Variants in CRAMP1 observed in about 807,000 individuals in gnomAD.
CRAMP1 encodes the protein protein cramped-like.
A neutral mutation model predicts 115.4 loss-of-function variants in CRAMP1; 50 were observed. The ratio of observed to expected loss-of-function variants is 0.43; its 90% CI spans 0.35 to 0.55. The LOEUF (loss-of-function observed/expected upper bound fraction) is 0.55, where lower values mean the gene tolerates loss of function less well. Among genes scored for constraint, CRAMP1 ranks in the 20% least tolerant of loss-of-function variants. CRAMP1 has a pLI of 0.01. For missense variants in CRAMP1, 1,679 were observed against 1,721.7 expected (o/e 0.98, Z 0.44); for synonymous variants, 866 against 745.4 (o/e 1.16, Z -2.64).
At chr16:1,655,389 C>A in intron 9 of CRAMP1, 89 bp downstream of exon 9, 1 of 1,056,598 alleles carries the variant, frequency 9.5e-7, no homozygotes, top group Non-Finnish European at 1.5e-6. Context: ...CTGTCATCGT[C>A]ATGGTCCCCG....
At chr16:1,619,972 G>A (rs1408359988) in intron 2 of CRAMP1, among the ~76,000 whole-genome samples, 1 of 152,176 alleles carries the variant, frequency 6.6e-6, no homozygotes, top group East Asian at 1.9e-4. Context: ...TTTGCTCACC[G>A]ACTGCCTGTC....
At chr16:1,645,652 T>C (rs993701536) in intron 6 of CRAMP1, among the ~76,000 whole-genome samples, 4 of 152,166 alleles carry the variant, frequency 2.6e-5, no homozygotes, top group Non-Finnish European at 5.9e-5. Flanking sequence ...GGCAGTTCAC[T>C]GCCCTGAACA....
chr16:1,642,257 G>C (rs1302078142), intron 6 of CRAMP1, among the ~76,000 whole-genome samples: 2 of 152,176 alleles, frequency 1.3e-5, no homozygotes, highest in African/African-American at 4.8e-5. Context: ...TTCTCCCCCA[G>C]GCTTGTGTCT....
At chr16:1,646,341 A>G (rs1360846537) in intron 6 of CRAMP1, among the ~76,000 whole-genome samples, 1 of 152,106 alleles carries the variant, frequency 6.6e-6, no homozygotes, top group Non-Finnish European at 1.5e-5. Flanking sequence ...AGAGAGTTGC[A>G]GTTGCTTCCC....
chr16:1,655,568 A>G (rs1292340425), intron 9 of CRAMP1, among the ~76,000 whole-genome samples: 1 of 152,192 alleles, frequency 6.6e-6, no homozygotes. Flanking sequence ...GTGTGGCCAA[A>G]GCATTCCTAC....
intron 4 of CRAMP1, among the ~76,000 whole-genome samples, 199 bp downstream of exon 4, chr16:1,632,564 C>T (rs945529589): frequency 2.0e-5 from 3 of 152,266 alleles, no homozygotes; most frequent in African/African-American, 7.2e-5. Context: ...CAGGAAGTGG[C>T]CCGTATCCCA....
chr16:1,675,834 C>A lies in CRAMP1; in HGVS notation c.*1789C>A, dbSNP rs2036962888. 1 of 152,254 alleles carries A rather than the reference C, an allele frequency of 6.6e-6. No individual in the cohort carries two copies. The highest frequency in any genetic ancestry group is 2.1e-4 in the South Asian group (1 of 4,836). The allele number at this position is 152,254 out of a possible 1,614,324, so 9.4% of individuals were successfully genotyped here. On this transcript the variant is annotated 3_prime_UTR_variant, in exon 21 of 21. Coordinates refer to ENST00000397412, the MANE Select transcript of CRAMP1 (RefSeq NM_020825.4). ...CTTAGGGGTGAAAAAAGAAACATGC[C>A]ACTTGATTAGGAGAGAGACAGCAGT...
chr16:1,625,979 A>C lies in CRAMP1; in HGVS notation c.353A>C (p.Glu118Ala). Residue 118 changes from glutamate (E) to alanine (A), a missense_variant, in exon 3 of 21, where the codon GAA becomes GCA. Coordinates refer to ENST00000397412, the MANE Select transcript of CRAMP1 (RefSeq NM_020825.4). ...ACGGTGCTTTCTCTCCAAGGAGCTG[A>C]AGGTGGTGGATCATCGTCTGGAAAT... ...GGSGPRGKGA[E>A]GGGSSSGNVS... 1.3e-6 allele frequency: 2 copies of C among 1,551,542 alleles called. No homozygotes were observed. Among genetic ancestry groups the C allele is most frequent in the Non-Finnish European group, 1.7e-6 (2 of 1,146,950 alleles).
chr16:1,656,984 C>T lies in CRAMP1; in HGVS notation c.2227C>T (p.Pro743Ser). ...LLKLISTEVN[P>S]KLALEANTIS... ...GAAGCTCATTTCCACCGAGGTCAAC[C>T]CCAAGCTGGTGAGTGGGTTGGAGCC... is the stretch of plus-strand genomic sequence containing the variant. The change falls in exon 10 of 21, where the codon CCC (proline) becomes TCC (serine). Residue 743 changes from proline to serine, a missense_variant. Pro to Ser is a moderately conservative substitution (Grantham distance 74). Coordinates refer to ENST00000397412, the MANE Select transcript of CRAMP1 (RefSeq NM_020825.4). This position sits in a 1 kb window ranked among gnomAD's most constrained non-coding sequence, Gnocchi z 5.6. 6.5e-7 allele frequency: 1 copy of T among 1,529,502 alleles called. No individual in the cohort carries two copies. Among genetic ancestry groups the T allele is most frequent in the African/African-American group, 1.4e-5 (1 of 72,920 alleles). The allele number at this position is 1,529,502 out of a possible 1,614,324, so 94.7% of individuals were successfully genotyped here.
rs753790381 is a variant in CRAMP1 at position 1,655,831 on chromosome 16, C to T, written c.1120-46C>T. On this transcript the variant is annotated intron_variant, in intron 9 of 20. Coordinates refer to ENST00000397412, the MANE Select transcript of CRAMP1 (RefSeq NM_020825.4). Reference sequence around the variant, plus strand: ...GTACCCATGTGCCTGGTCAGCATCCCGACCTCAGTGCTAGCCAGTGTGGGC... The same window carrying T: ...GTACCCATGTGCCTGGTCAGCATCCTGACCTCAGTGCTAGCCAGTGTGGGC... 1.3e-5 allele frequency: 21 copies of T among 1,565,382 alleles called. No individual in the cohort carries two copies. In the African/African-American group the frequency reaches 1.3e-4, roughly 10 times the overall value.
At chr16:1,665,913 GA>G in intron 14 of CRAMP1, 159 bp from the exon 15 acceptor site, 1 of 608,328 alleles carries the variant, frequency 1.6e-6, no homozygotes, top group East Asian at 2.8e-5. Context: ...TGTGACCTCT[GA>G]CTCCTCATGT....
rs2036898080 is a variant in CRAMP1, at chr16:1,668,855, C to T, written c.3335-146C>T. The stretch of plus-strand genomic sequence containing the variant: ...CAGAGCTGTTCTGCGGTGCTGCGCT[C>T]CTTACCTGCCGAGCCATGCCATCCA... On this transcript the variant is annotated intron_variant, in intron 18 of 20. Transcript: ENST00000397412. 6 of 754,148 alleles carry T rather than the reference C, an allele frequency of 8.0e-6. No individual in the cohort carries two copies. The South Asian group carries it at 9.8e-5, about 12-fold the overall frequency. The allele number at this position is 754,148 out of a possible 1,614,324, so 46.7% of individuals were successfully genotyped here. A position where few individuals can be genotyped will look rare whatever the true frequency, so the allele number is the denominator to read the frequency against.
Position 1,662,872 on chromosome 16 carries a change from G to T in CRAMP1, c.2670+37G>T, listed in dbSNP as rs751098334. On this transcript the variant is annotated intron_variant, in intron 13 of 20. Transcript: ENST00000397412. ...CTCAAGTCTGAACGTGTGGCCTCGT[G>T]GCTGGGCCAACCAGGACACAGGGCT... The T allele has an allele frequency of 3.2e-6, 5 of 1,564,022 alleles. No homozygotes were observed. In the Admixed American group the frequency reaches 8.5e-5, roughly 27 times the overall value.
intron 17 of CRAMP1, 57 bp from the exon 18 acceptor site, chr16:1,667,905 C>T (rs2036889627): frequency 8.6e-7 from 1 of 1,161,146 alleles, no homozygotes; most frequent in Admixed American, 2.0e-5. Context: ...TGTTTCTTCC[C>T]TTGTCATGGG....
chr16:1,613,958 G>A (rs1309170354), intron 1 of CRAMP1, among the ~76,000 whole-genome samples: 4 of 151,898 alleles, frequency 2.6e-5, no homozygotes, highest in African/African-American at 9.7e-5. Context: ...GCGGGCCGGC[G>A]GCATTGGGCC....
intron 11 of CRAMP1, among the ~76,000 whole-genome samples, chr16:1,661,619 G>A (rs1425204214): frequency 1.5e-5 from 2 of 137,118 alleles, no homozygotes; most frequent in Non-Finnish European, 3.1e-5. Flanking sequence ...TTTTTGAGAT[G>A]GAGTCTCGCT....
At chr16:1,615,020 C>G (rs879615489) in intron 2 of CRAMP1, 35 bp downstream of exon 2, 1 of 1,182,962 alleles carries the variant, frequency 8.5e-7, no homozygotes, top group Non-Finnish European at 1.1e-6. Context: ...GACCCCAGCC[C>G]CTCTCCGGGG....
intron 10 of CRAMP1, among the ~76,000 whole-genome samples, chr16:1,659,629 C>T (rs1256661319): frequency 7.9e-5 from 12 of 152,102 alleles, no homozygotes; most frequent in Admixed American, 2.0e-4. Context: ...CCTCATGATC[C>T]GCTCGTCTCG....
chr16:1,632,052 G>A (rs892049728), intron 3 of CRAMP1, among the ~76,000 whole-genome samples, 160 bp from the exon 4 acceptor site: 3 of 152,128 alleles, frequency 2.0e-5, no homozygotes, highest in African/African-American at 4.8e-5. Flanking sequence ...CCAGGGAGTC[G>A]AAGTTCAAGT....
Sources: allele counts gnomAD v4.1 joint callset (sites outside exome capture counted in the v4.1 genomes callset), GRCh38; gene constraint gnomAD v4.1.1; non-coding constraint Gnocchi (gnomAD v3.1); transcripts MANE v1.5; gene names NCBI Gene and HGNC (gene_info 2026-07-23, HGNC 2026-07-21).